CAMTA1: variants seen among roughly 807,000 people sequenced by gnomAD.
CAMTA1 encodes calmodulin-binding transcription activator 1.
A neutral mutation model predicts 170.9 loss-of-function variants in CAMTA1; 27 were observed. The ratio of observed to expected loss-of-function variants is 0.16; its 90% CI spans 0.12 to 0.22. The LOEUF is 0.22. Ranked by LOEUF, CAMTA1 falls within the 10% of genes least tolerant of loss-of-function variation. CAMTA1 has a pLI of 1.00. For missense variants in CAMTA1, 1,619 were observed against 2,217.2 expected (o/e 0.73, Z 5.42); for synonymous variants, 833 against 891.5 (o/e 0.93, Z 1.17).
intron 3 of CAMTA1, among the ~76,000 whole-genome samples, chr1:6,895,011 G>A (rs1675323423): frequency 6.6e-6 from 1 of 152,202 alleles, no homozygotes; most frequent in African/African-American, 2.4e-5. Context: ...GAGGCAAGAG[G>A]TAGCTCAGGC....
In CAMTA1 at chr1:7,625,286, A is replaced by G. The variant is rs530469386; in HGVS notation, c.511-15114A>G. 7.2e-5 allele frequency among the ~76,000 whole-genome samples: 11 copies of G among 152,360 alleles called. No individual in the cohort carries two copies. In the South Asian group the frequency reaches 2.3e-3, roughly 32 times the overall value. On this transcript the variant is annotated intron_variant, in intron 6 of 22. Coordinates refer to ENST00000303635, the MANE Select transcript of CAMTA1 (RefSeq NM_015215.4). ...AGGGGAGACTGGGGCGGTGGCCTCA[A>G]GGGCCAAGAGGAAAGCAGGATGCCT...
chr1:6,890,222 T>C (rs1055443255), intron 3 of CAMTA1, among the ~76,000 whole-genome samples: 1 of 152,218 alleles, frequency 6.6e-6, no homozygotes, highest in African/African-American at 2.4e-5. Context: ...CATTAAGCCA[T>C]GGCCCTGGCA....
intron 6 of CAMTA1, among the ~76,000 whole-genome samples, chr1:7,504,401 T>G (rs926987387): frequency 1.2e-4 from 18 of 152,238 alleles, no homozygotes; most frequent in African/African-American, 4.3e-4. Context: ...GGCACAGGGC[T>G]CTGCTTCCCT....
At chr1:7,213,485 T>A (rs181942127) in intron 4 of CAMTA1, among the ~76,000 whole-genome samples, 9 of 152,340 alleles carry the variant, frequency 5.9e-5, no homozygotes, top group Non-Finnish European at 1.2e-4. Flanking sequence ...CTTTGGGGGT[T>A]CTTTATATAT....
intron 5 of CAMTA1, among the ~76,000 whole-genome samples, chr1:7,424,477 A>T (rs1472199854): frequency 1.3e-5 from 2 of 151,834 alleles, no homozygotes; most frequent in African/African-American, 4.8e-5. Flanking sequence ...GGGGACAGCT[A>T]GGGATTTGCC....
At chr1:7,473,648 G>C (rs1432115949) in intron 6 of CAMTA1, among the ~76,000 whole-genome samples, 1 of 152,226 alleles carries the variant, frequency 6.6e-6, no homozygotes, top group Non-Finnish European at 1.5e-5. Flanking sequence ...CCTCACTGCT[G>C]AAGAATCTTT....
intron 3 of CAMTA1, among the ~76,000 whole-genome samples, chr1:7,020,088 G>T (rs1464493823): frequency 6.6e-6 from 1 of 152,222 alleles, no homozygotes; most frequent in African/African-American, 2.4e-5. Context: ...GCACATTTGT[G>T]TCAATATTAC....
intron 5 of CAMTA1, among the ~76,000 whole-genome samples, chr1:7,358,539 T>G (rs1557584200): frequency 7.9e-5 from 12 of 151,934 alleles, no homozygotes; most frequent in Non-Finnish European, 1.6e-4. Flanking sequence ...CGTCCCTGCA[T>G]GCCCCGCGCC....
chr1:6,902,077 A>AAATAAAT (rs1553180468), intron 3 of CAMTA1, among the ~76,000 whole-genome samples: 1 of 70,870 alleles, frequency 1.4e-5, no homozygotes, highest in Non-Finnish European at 4.0e-5. Flanking sequence ...ACACACAAAA[A>AAATAAAT]AAAAAATAAA....
chr1:7,646,050 G>A (rs1244820504), intron 7 of CAMTA1, among the ~76,000 whole-genome samples: 2 of 152,030 alleles, frequency 1.3e-5, no homozygotes, highest in Admixed American at 1.3e-4. Context: ...GAAGGCCCTG[G>A]TGAGTTTGGT....
chr1:7,136,966 T>C (rs1573363694), intron 4 of CAMTA1, among the ~76,000 whole-genome samples: 1 of 152,228 alleles, frequency 6.6e-6, no homozygotes, highest in East Asian at 1.9e-4. Flanking sequence ...TGTGTAATTC[T>C]AGCCCTGGCT....
intron 3 of CAMTA1, among the ~76,000 whole-genome samples, chr1:7,068,289 A>G (rs1019249518): frequency 6.6e-6 from 1 of 151,298 alleles, no homozygotes; most frequent in African/African-American, 2.4e-5. Context: ...AAATGGCAAG[A>G]CGCTTAAGAT....
At chr1:7,376,571 A>T (rs371319695) in intron 5 of CAMTA1, among the ~76,000 whole-genome samples, 1 of 152,226 alleles carries the variant, frequency 6.6e-6, no homozygotes, top group South Asian at 2.1e-4. Context: ...AGAAGGGGTC[A>T]GTATTAGCTG....
chr1:7,691,994 AGG>A (rs1325718900), intron 11 of CAMTA1, among the ~76,000 whole-genome samples: 1 of 134,086 alleles, frequency 7.5e-6, no homozygotes, highest in Non-Finnish European at 1.6e-5. Flanking sequence ...GGAGGGAGGG[AGG>A]GAAGGAGGGA....
intron 4 of CAMTA1, among the ~76,000 whole-genome samples, chr1:7,157,382 A>C: frequency 1.1e-5 from 1 of 91,114 alleles, no homozygotes; most frequent in East Asian, 2.9e-4. Flanking sequence ...AAGAAACAAA[A>C]AACAAAAAAA....
In CAMTA1 at chr1:7,580,625, A is replaced by G. The variant is rs1025523295; in HGVS notation, c.511-59775A>G. Reference sequence around the variant, plus strand: ...GACAGCCGTGTCAGAGACTGATAATACTGCTCATTCTCGGTGGCACCAAAG... The same window carrying G: ...GACAGCCGTGTCAGAGACTGATAATGCTGCTCATTCTCGGTGGCACCAAAG... On this transcript the variant is annotated intron_variant, in intron 6 of 22. Transcript: ENST00000303635. This position sits in a 1 kb window ranked among gnomAD's most constrained non-coding sequence, Gnocchi z 4.3. 2.0e-5 allele frequency among the ~76,000 whole-genome samples: 3 copies of G among 151,738 alleles called. No individual in the cohort carries two copies. Among genetic ancestry groups the G allele is most frequent in the South Asian group, 4.2e-4 (2 of 4,770 alleles).
intron 3 of CAMTA1, among the ~76,000 whole-genome samples, chr1:6,936,077 C>T (rs1685261403): frequency 1.3e-5 from 2 of 152,206 alleles, no homozygotes; most frequent in Non-Finnish European, 1.5e-5. Flanking sequence ...TTAAAACCTT[C>T]TGGAAAATAA....
intron 6 of CAMTA1, among the ~76,000 whole-genome samples, chr1:7,601,101 C>CG (rs576591469): frequency 3.4e-4 from 51 of 150,762 alleles, no homozygotes; most frequent in African/African-American, 1.2e-3. Context: ...GGCGGCTGGC[C>CG]GGGCCGGGGG....
At chr1:6,966,979 C>T (rs138215254) in intron 3 of CAMTA1, among the ~76,000 whole-genome samples, 2,610 of 151,496 alleles carry the variant, frequency 0.017, 96 homozygotes, top group Admixed American at 0.088. Context: ...CGGTGGCTCA[C>T]GCCTGTAATC....
Sources: allele counts gnomAD v4.1 joint callset (sites outside exome capture counted in the v4.1 genomes callset), GRCh38; gene constraint gnomAD v4.1.1; non-coding constraint Gnocchi (gnomAD v3.1); transcripts MANE v1.5; gene names NCBI Gene and HGNC (gene_info 2026-07-23, HGNC 2026-07-21).